BBS9: variants seen among roughly 807,000 people sequenced by gnomAD.
The protein encoded by BBS9 is protein PTHB1.
A neutral mutation model predicts 117.7 loss-of-function variants in BBS9; 89 were observed. That is an observed-to-expected ratio of 0.76 (90% CI 0.64 to 0.90). The LOEUF (loss-of-function observed/expected upper bound fraction) is 0.90. Ranked by LOEUF, BBS9 falls within the 40% of genes least tolerant of loss-of-function variation. BBS9 has a pLI of 0.00. For synonymous variants in BBS9, 379 were observed against 370.9 expected, an observed-to-expected ratio of 1.02 and a Z score of -0.25; for missense variants, 982 against 1,042.2, an observed-to-expected ratio of 0.94 and a Z score of 0.80.
In BBS9 at chr7:33,349,436, T is replaced by G. The variant is rs117046598; in HGVS notation, c.1432+266T>G. Reference sequence around the variant, plus strand: ...GTTGGACCTATAATTGTTTTTGATTTATTTATTTATTTTTGAGACAGGGTC... The same window carrying G: ...GTTGGACCTATAATTGTTTTTGATTGATTTATTTATTTTTGAGACAGGGTC... On this transcript the variant is annotated intron_variant, in intron 13 of 22. Coordinates refer to ENST00000242067, the MANE Select transcript of BBS9 (RefSeq NM_198428.3). 2,861 of 443,050 alleles carry G rather than the reference T, an allele frequency of 6.5e-3. 18 individuals carry two copies. The highest frequency in any genetic ancestry group is 9.7e-3 in the Non-Finnish European group (2,218 of 228,032). 27.4% of individuals were successfully genotyped at this position (443,050 alleles called of 1,614,324 possible).
At chr7:33,207,506 G>C (rs927523666) in intron 5 of BBS9, among the ~76,000 whole-genome samples, 2 of 150,620 alleles carry the variant, frequency 1.3e-5, no homozygotes, top group Non-Finnish European at 3.0e-5. Flanking sequence ...GCCTCTTTAA[G>C]CTGGCTCCTG....
At chr7:33,181,457 C>T (rs1437212102) in intron 5 of BBS9, among the ~76,000 whole-genome samples, 2 of 152,144 alleles carry the variant, frequency 1.3e-5, no homozygotes, top group Non-Finnish European at 2.9e-5. Flanking sequence ...AGCCAATTTT[C>T]ACCTTTGCAT....
intron 5 of BBS9, among the ~76,000 whole-genome samples, chr7:33,227,821 G>A (rs906515401): frequency 9.2e-5 from 14 of 152,068 alleles, no homozygotes; most frequent in African/African-American, 3.4e-4. Flanking sequence ...GTACTCCATG[G>A]TGTATATATA....
At chr7:33,312,029 C>G (rs747716253) in intron 9 of BBS9, among the ~76,000 whole-genome samples, 1 of 152,188 alleles carries the variant, frequency 6.6e-6, no homozygotes, top group Non-Finnish European at 1.5e-5. Flanking sequence ...AGGTTTCTTG[C>G]CAATGCTTTA....
chr7:33,333,099 T>A (rs1814483623), intron 9 of BBS9, among the ~76,000 whole-genome samples: 1 of 152,108 alleles, frequency 6.6e-6, no homozygotes, highest in African/African-American at 2.4e-5. Flanking sequence ...TACACGTGGT[T>A]TTTGCTTACA....
intron 11 of BBS9, among the ~76,000 whole-genome samples, chr7:33,343,317 C>G (rs930998429): frequency 1.3e-5 from 2 of 152,094 alleles, no homozygotes; most frequent in African/African-American, 4.8e-5. Flanking sequence ...CAATGTATCA[C>G]TCTAAAAAAT....
intron 21 of BBS9, among the ~76,000 whole-genome samples, chr7:33,597,948 C>T (rs892214827): frequency 2.6e-5 from 4 of 151,482 alleles, no homozygotes; most frequent in Non-Finnish European, 5.9e-5. Flanking sequence ...GAGCGTGATG[C>T]TAGGTTTACA....
At chr7:33,390,241 A>C (rs1826825229) in intron 19 of BBS9, 1 of 985,322 alleles carries the variant, frequency 1.0e-6, no homozygotes, top group East Asian at 1.1e-4. Context: ...TTGTAGACAC[A>C]ATGGTGGAAG....
intron 21 of BBS9, among the ~76,000 whole-genome samples, chr7:33,588,462 A>C (rs1202685210): frequency 1.3e-5 from 2 of 152,130 alleles, no homozygotes; most frequent in African/African-American, 4.8e-5. Context: ...TGACAACTAA[A>C]TATCGTGTGC....
At chr7:33,357,641 CT>C (rs889435293) in intron 15 of BBS9, 6 of 633,656 alleles carry the variant, frequency 9.5e-6, no homozygotes, top group Non-Finnish European at 1.7e-5. Flanking sequence ...GTCTATGCTT[CT>C]TTTAAAATTT....
intron 4 of BBS9, among the ~76,000 whole-genome samples, chr7:33,164,576 A>G (rs1028167592): frequency 3.9e-5 from 6 of 152,158 alleles, no homozygotes; most frequent in Non-Finnish European, 5.9e-5. Flanking sequence ...TCCCTTTACC[A>G]TTATGTAATG....
intron 4 of BBS9, among the ~76,000 whole-genome samples, chr7:33,160,879 T>C (rs763382202): frequency 7.2e-5 from 11 of 152,310 alleles, no homozygotes; most frequent in Non-Finnish European, 1.3e-4. Context: ...GGTGGAAATA[T>C]ACTTTGACAA....
chr7:33,327,027 G>T lies in BBS9; in HGVS notation c.1017-9414G>T, dbSNP rs142345468. ...AGTCTTTTGCCCTCCATGTCCACTGGCACTGAGCCCAGTGAAGCACTAGGA... is the reference window on the plus strand; with the variant it reads ...AGTCTTTTGCCCTCCATGTCCACTGTCACTGAGCCCAGTGAAGCACTAGGA... On this transcript the variant is annotated intron_variant, in intron 9 of 22. Transcript: ENST00000242067. 8.6e-3 allele frequency among the ~76,000 whole-genome samples: 1,307 copies of T among 152,168 alleles called. 16 individuals carry two copies. The highest frequency in any genetic ancestry group is 0.03 in the African/African-American group (1,249 of 41,534).
intron 19 of BBS9, among the ~76,000 whole-genome samples, chr7:33,422,322 A>G (rs1832982945): frequency 6.6e-6 from 1 of 152,168 alleles, no homozygotes; most frequent in South Asian, 2.1e-4. Context: ...ACCACTGTAT[A>G]TTTGATGTGT....
At chr7:33,367,895 A>T (rs746992688) in intron 17 of BBS9, 33 bp downstream of exon 17, 82 of 1,573,588 alleles carry the variant, frequency 5.2e-5, no homozygotes, top group Middle Eastern at 1.7e-4. Flanking sequence ...TGCTTTTTAA[A>T]TTTTTTTCTA....
At chr7:33,431,098 G>C (rs1264098465) in intron 19 of BBS9, among the ~76,000 whole-genome samples, 1 of 151,890 alleles carries the variant, frequency 6.6e-6, no homozygotes, top group East Asian at 1.9e-4. Flanking sequence ...GGGAGGCTGA[G>C]GTGGTAGGAT....
rs559133577 is a variant in BBS9, at chr7:33,151,388, G to A, written c.113-1313G>A. Among the ~76,000 whole-genome samples the A allele has an allele frequency of 3.3e-5, 5 of 152,132 alleles. No homozygotes were observed. The South Asian group carries it at 1.0e-3, about 32-fold the overall frequency. On this transcript the variant is annotated intron_variant, in intron 2 of 22. Transcript: ENST00000242067. ...AGTGACAGGAAACTGATAGATTTAA[G>A]TACAGAAGGTGCTGGAATGAATGTA...
chr7:33,331,027 A>G (rs1160414412), intron 9 of BBS9, among the ~76,000 whole-genome samples: 1 of 152,208 alleles, frequency 6.6e-6, no homozygotes, highest in African/African-American at 2.4e-5. Context: ...TCAACAAAAT[A>G]CTAGCTAACC....
chr7:33,363,901 G>T (rs1821126104), intron 16 of BBS9, among the ~76,000 whole-genome samples: 2 of 150,848 alleles, frequency 1.3e-5, no homozygotes, highest in Admixed American at 1.3e-4. Context: ...AATTATAGAT[G>T]GTCATGATAT....
Sources: gnomAD v4.1 joint callset for allele counts (sites outside exome capture counted in the v4.1 genomes callset) on GRCh38, gnomAD v4.1.1 for gene constraint, MANE v1.5 for transcripts, NCBI Gene and HGNC (gene_info 2026-07-23, HGNC 2026-07-21) for gene names.